THADA: variants seen among roughly 807,000 people sequenced by gnomAD.
THADA encodes THADA armadillo repeat containing, also known as tRNA (32-2'-O)-methyltransferase regulator THADA.
In THADA, 213 loss-of-function variants were observed where a neutral mutation model predicts 219.8. The observed-to-expected ratio is 0.97, with a 90% CI of 0.87 to 1.09. The LOEUF is 1.09. Ranked by LOEUF, THADA falls within the 50% of genes least tolerant of loss-of-function variation. THADA has a pLI of 0.00. For missense variants in THADA, 2,956 were observed against 2,311.3 expected, an observed-to-expected ratio of 1.28 and a Z score of -5.72; for synonymous variants, 1,018 against 828.9, an observed-to-expected ratio of 1.23 and a Z score of -3.92.
intron 28 of THADA, among the ~76,000 whole-genome samples, chr2:43,420,781 A>G (rs1334943824): frequency 6.6e-6 from 1 of 152,248 alleles, no homozygotes; most frequent in African/African-American, 2.4e-5. Context: ...ATAACAAGGT[A>G]TCTTTTTATG....
chr2:43,445,922 C>A (rs1681470340), intron 26 of THADA, among the ~76,000 whole-genome samples: 1 of 152,156 alleles, frequency 6.6e-6, no homozygotes, highest in South Asian at 2.1e-4. Context: ...CTGCCTATTA[C>A]AATACTATCC....
chr2:43,240,533 C>T (rs1219754355), intron 36 of THADA, among the ~76,000 whole-genome samples: 2 of 152,214 alleles, frequency 1.3e-5, no homozygotes, highest in East Asian at 3.9e-4. Context: ...TTACCCTCTA[C>T]TCCGAGACTA....
intron 21 of THADA, among the ~76,000 whole-genome samples, chr2:43,540,425 T>C (rs1695147582): frequency 6.6e-6 from 1 of 152,212 alleles, no homozygotes; most frequent in Non-Finnish European, 1.5e-5. Context: ...ATTAGCATAC[T>C]ACAATATTTG....
At chr2:43,563,212 T>G (rs557139663) in intron 15 of THADA, 198 of 152,350 alleles carry the variant, frequency 1.3e-3, no homozygotes, top group African/African-American at 4.6e-3. Context: ...AAGCACAGCT[T>G]TTGCTGCAAT....
chr2:43,566,545 C>T (rs1698700995), intron 15 of THADA, 153 bp downstream of exon 15: 1 of 881,766 alleles, frequency 1.1e-6, no homozygotes, highest in Admixed American at 2.0e-5. Context: ...CCTTTACTAG[C>T]AAATTTCATT....
rs146631659 is a variant in THADA, at chr2:43,512,208, G to A, written c.3375-3428C>T. Among the ~76,000 whole-genome samples, 46 of 152,260 alleles carry A rather than the reference G, an allele frequency of 3.0e-4. 1 individual carries two copies. Among genetic ancestry groups the A allele is most frequent in the Non-Finnish European group, 3.7e-4 (25 of 68,014 alleles). On this transcript the variant is annotated intron_variant, in intron 22 of 37. Coordinates refer to ENST00000405975, the MANE Select transcript of THADA (RefSeq NM_022065.5). ...GCTCTGGGAAATGCTCAAGGCACCAGCTCCTACCATCTAGTCCAAACCTTC... is the reference window on the plus strand; with the variant it reads ...GCTCTGGGAAATGCTCAAGGCACCAACTCCTACCATCTAGTCCAAACCTTC...
intron 36 of THADA, among the ~76,000 whole-genome samples, chr2:43,240,276 G>T (rs1304672952): frequency 6.6e-6 from 1 of 152,206 alleles, no homozygotes; most frequent in Non-Finnish European, 1.5e-5. Flanking sequence ...GGCAGCAAAG[G>T]CAGCGTCTGA....
intron 28 of THADA, among the ~76,000 whole-genome samples, chr2:43,424,773 A>G (rs1472746790): frequency 1.3e-5 from 2 of 152,222 alleles, no homozygotes; most frequent in East Asian, 3.8e-4. Flanking sequence ...ACTTTACCAC[A>G]GAAGGTGGCC....
chr2:43,386,897 C>CAAA (rs548365391), intron 29 of THADA, among the ~76,000 whole-genome samples: 3 of 97,310 alleles, frequency 3.1e-5, no homozygotes, highest in Admixed American at 1.2e-4. Flanking sequence ...GATTTCCTCT[C>CAAA]AAAAAAAAAA....
At chr2:43,336,753 A>T (rs923615243) in intron 30 of THADA, among the ~76,000 whole-genome samples, 3 of 152,196 alleles carry the variant, frequency 2.0e-5, no homozygotes, top group African/African-American at 7.2e-5. Context: ...TGATTCTAAA[A>T]ACGCAGCCAT....
rs199616396 is a variant in THADA at position 43,556,434 on chromosome 2, G to A, written c.2585C>T (p.Pro862Leu). The A allele has an allele frequency of 9.4e-5, 151 of 1,613,698 alleles. No individual in the cohort carries two copies. Among genetic ancestry groups the A allele is most frequent in the Middle Eastern group, 1.6e-4 (1 of 6,084 alleles). Residue 862 changes from proline to leucine, a missense_variant, in exon 17 of 38, where the codon CCG becomes CTG. Transcript: ENST00000405975. ...AGTTAAGTAGGCAGACAAGGATGAC[G>A]GTAGAGCATCCTGCCAGATTAAGAA... ...LNFLIWQDAL[P>L]SSLSAYLTQQ...
At chr2:43,450,197 A>AT (rs1283051984) in intron 26 of THADA, among the ~76,000 whole-genome samples, 7 of 152,224 alleles carry the variant, frequency 4.6e-5, no homozygotes, top group African/African-American at 1.7e-4. Context: ...AGAGACTAGC[A>AT]TATTTTTAAA....
chr2:43,391,777 G>A (rs898241248), intron 29 of THADA: 1 of 152,200 alleles, frequency 6.6e-6, no homozygotes, highest in East Asian at 1.9e-4. Flanking sequence ...GAGAGCTGAA[G>A]GAATCAATAA....
chr2:43,522,355 A>G (rs1265542574), intron 22 of THADA, among the ~76,000 whole-genome samples: 1 of 152,178 alleles, frequency 6.6e-6, no homozygotes, highest in African/African-American at 2.4e-5. Context: ...TTAGGGGGCT[A>G]TTTTGAAGAC....
intron 22 of THADA, among the ~76,000 whole-genome samples, chr2:43,515,158 T>TATATATAATATATTATATATA (rs1691355366): frequency 4.4e-4 from 1 of 2,264 alleles, no homozygotes. Flanking sequence ...TTTTATATAT[T>TATATATAATATATTATATATA]ATATATAATA....
At position 43,529,716 on chromosome 2, in the gene THADA, A is replaced by G. The variant is rs61325602; in HGVS notation, c.3265-1728T>C. Among the ~76,000 whole-genome samples, 1,091 of 152,316 alleles carry G rather than the reference A, an allele frequency of 7.2e-3. 11 individuals carry two copies. Among genetic ancestry groups the G allele is most frequent in the African/African-American group, 0.025 (1,040 of 41,574 alleles). On this transcript the variant is annotated intron_variant, in intron 21 of 37. Coordinates refer to ENST00000405975, the MANE Select transcript of THADA (RefSeq NM_022065.5). ...CCAGGTCTCCCCAACAGATCACAGG[A>G]TGGTAAAAGACAAGTTGTCCCAAGA...
Position 43,555,620 on chromosome 2 carries a change from T to C in THADA, c.2674+725A>G, listed in dbSNP as rs17031033. Reference sequence around the variant, plus strand: ...AGGCAAGCATCATCCTCCATGGTACTGTCACCTCTCTATCTCCAGATCTCT... The same window carrying C: ...AGGCAAGCATCATCCTCCATGGTACCGTCACCTCTCTATCTCCAGATCTCT... On this transcript the variant is annotated intron_variant, in intron 17 of 37. Coordinates refer to ENST00000405975, the MANE Select transcript of THADA (RefSeq NM_022065.5). Among the ~76,000 whole-genome samples, 1,343 of 152,294 alleles carry C rather than the reference T, an allele frequency of 8.8e-3. 23 individuals carry two copies. The highest frequency in any genetic ancestry group is 0.031 in the African/African-American group (1,289 of 41,562).
chr2:43,344,759 G>GTTTTTTTTTTTTTTTTTTT (rs1242915350), intron 29 of THADA, among the ~76,000 whole-genome samples: 1 of 149,324 alleles, frequency 6.7e-6, no homozygotes, highest in Non-Finnish European at 1.5e-5. Context: ...ACTATTTAGG[G>GTTTTTTTTTTTTTTTTTTT]TTTTTTTTGT....
intron 23 of THADA, among the ~76,000 whole-genome samples, chr2:43,506,772 C>T (rs1689726792): frequency 6.6e-6 from 1 of 152,114 alleles, no homozygotes; most frequent in Non-Finnish European, 1.5e-5. Context: ...TAGTCACATT[C>T]CCAGACTCCC....
Sources: gnomAD v4.1 joint callset for allele counts (sites outside exome capture counted in the v4.1 genomes callset) on GRCh38, gnomAD v4.1.1 for gene constraint, MANE v1.5 for transcripts, NCBI Gene and HGNC (gene_info 2026-07-23, HGNC 2026-07-21) for gene names.